The following ERBIN variants were observed in gnomAD, a reference collection of about 807,000 sequenced individuals.
ERBIN encodes the protein erbb2 interacting protein, also known as densin-180-like protein.
A neutral mutation model predicts 158.4 loss-of-function variants in ERBIN; 60 were observed. The ratio of observed to expected loss-of-function variants is 0.38; its 90% CI spans 0.31 to 0.47. ERBIN has a LOEUF of 0.47. Among genes scored for constraint, ERBIN ranks in the 20% least tolerant of loss-of-function variants. ERBIN has a pLI of 0.99. For missense variants in ERBIN, 1,610 were observed against 1,648.0 expected (o/e 0.98, Z 0.40); for synonymous variants, 594 against 557.2 (o/e 1.07, Z -0.93).
chr5:66,025,712 T>C (rs1246785241), intron 11 of ERBIN, 136 bp from the exon 12 acceptor site: 21 of 839,848 alleles, frequency 2.5e-5, no homozygotes, highest in South Asian at 1.2e-4. Context: ...AACCTACTTA[T>C]TGGTGAAGTT....
chr5:66,048,814 A>T, intron 19 of ERBIN, 33 bp downstream of exon 19: 4 of 1,243,300 alleles, frequency 3.2e-6, no homozygotes, highest in Non-Finnish European at 4.5e-6. Context: ...TAAGAATAGA[A>T]ATTGCCTCAA....
At chr5:66,054,984 T>C in intron 21 of ERBIN, 33 bp downstream of exon 21, 1 of 1,508,980 alleles carries the variant, frequency 6.6e-7, no homozygotes, top group East Asian at 2.3e-5. Context: ...TTATTTTCTT[T>C]ATGAACTTAA....
chr5:66,056,218 CAA>C (rs1759560384), intron 21 of ERBIN, among the ~76,000 whole-genome samples: 1 of 152,108 alleles, frequency 6.6e-6, no homozygotes, highest in Non-Finnish European at 1.5e-5. Context: ...GCAGTTAAGA[CAA>C]ATGAGTTCAA....
chr5:66,035,790 A>T (rs1312074658), intron 14 of ERBIN, among the ~76,000 whole-genome samples: 2 of 152,206 alleles, frequency 1.3e-5, no homozygotes, highest in African/African-American at 4.8e-5. Flanking sequence ...ATATGTGGCT[A>T]CTAAAAAATT....
At chr5:65,963,734 CAA>C (rs1388965024) in intron 1 of ERBIN, among the ~76,000 whole-genome samples, 2 of 151,566 alleles carry the variant, frequency 1.3e-5, no homozygotes, top group Non-Finnish European at 2.9e-5. Context: ...TTAATATAGA[CAA>C]ATTTTATTTT....
chr5:66,054,936 C>A lies in ERBIN; in HGVS notation c.3618C>A (p.Ala1206=). The change falls in exon 21 of 26, where the codon GCC becomes GCA. Residue 1206 remains alanine, a synonymous_variant. Coordinates refer to ENST00000284037, the MANE Select transcript of ERBIN (RefSeq NM_001253697.2). ...WREQVLRHIE[A]KKLEKKHPQT... is the part of the protein sequence containing the mutation. ...AACAAGTACTTCGACATATTGAAGC[C>A]AAAAAGTTAGAAAAGGTAATTGAAC... 6.4e-7 allele frequency: 1 copy of A among 1,571,548 alleles called. No homozygotes were observed. Among genetic ancestry groups the A allele is most frequent in the South Asian group, 1.2e-5 (1 of 85,636 alleles).
intron 1 of ERBIN, among the ~76,000 whole-genome samples, chr5:65,979,506 T>C (rs896855100): frequency 6.6e-6 from 1 of 152,168 alleles, no homozygotes; most frequent in African/African-American, 2.4e-5. Flanking sequence ...TTATAAAATA[T>C]ATGAAACATA....
chr5:65,963,384 A>G (rs1214298974), intron 1 of ERBIN, among the ~76,000 whole-genome samples: 16 of 152,092 alleles, frequency 1.1e-4, no homozygotes. Context: ...TTTGATCTTT[A>G]AAAACTTTAC....
intron 21 of ERBIN, among the ~76,000 whole-genome samples, chr5:66,059,811 T>A (rs1056985948): frequency 6.6e-6 from 1 of 152,224 alleles, no homozygotes; most frequent in Non-Finnish European, 1.5e-5. Flanking sequence ...GGTTTTTGTC[T>A]TTGGTTCTGT....
In ERBIN at chr5:65,970,538, GT is replaced by G. The variant is rs554019377; in HGVS notation, c.-57-18093del. 1.3e-4 allele frequency among the ~76,000 whole-genome samples: 20 copies of G among 152,266 alleles called. No homozygotes were observed. In the East Asian group the frequency reaches 3.9e-3, roughly 29 times the overall value. ...ATATTCTATTCTGTCCTATTTGACT[GT>G]TTTCCCTTACCACCAGACTATTTGG... is the stretch of plus-strand genomic sequence containing the variant. On this transcript the variant is annotated intron_variant, in intron 1 of 25. Transcript: ENST00000284037.
At chr5:65,992,649 T>G in intron 2 of ERBIN, 61 bp from the exon 3 acceptor site, 1 of 1,241,260 alleles carries the variant, frequency 8.1e-7, no homozygotes, top group East Asian at 2.4e-5. Flanking sequence ...TTGGAATGAT[T>G]TGTTCTGAAA....
intron 1 of ERBIN, among the ~76,000 whole-genome samples, chr5:65,973,334 A>G (rs1411063572): frequency 1.3e-5 from 2 of 151,212 alleles, no homozygotes; most frequent in East Asian, 3.9e-4. Context: ...GCACACCAAC[A>G]TGGCACATGT....
rs1369974627 is a variant in ERBIN, at chr5:66,081,494, A to AT, written c.*2969dup. On this transcript the variant is annotated 3_prime_UTR_variant, in exon 26 of 26. Transcript: ENST00000284037. ...ATCAACCAACATTTATTCATTCCAA[A>AT]TTTTTGTATATATCTAGATGAAGTA... The AT allele has an allele frequency of 6.6e-6, 1 of 152,128 alleles. No homozygotes were observed. Among genetic ancestry groups the AT allele is most frequent in the African/African-American group, 2.4e-5 (1 of 41,452 alleles). The allele number at this position is 152,128 out of a possible 1,614,324, so 9.4% of individuals were successfully genotyped here. A position where few individuals can be genotyped will look rare whatever the true frequency, so the allele number is the denominator to read the frequency against.
chr5:66,053,563 G>C lies in ERBIN; in HGVS notation c.2245G>C (p.Asp749His). 6.2e-7 allele frequency: 1 copy of C among 1,610,886 alleles called. No homozygotes were observed. Among genetic ancestry groups the C allele is most frequent in the Non-Finnish European group, 8.5e-7 (1 of 1,179,180 alleles). The change falls in exon 21 of 26, where the codon GAC (aspartate) becomes CAC (histidine). Residue 749 changes from aspartate (D) to histidine (H), a missense_variant. Asp to His is a moderately conservative substitution (Grantham distance 81, BLOSUM62 -1). Transcript: ENST00000284037. ...ATTAGTTCTAATTGAGAAAAGTGTT[G>C]ACTCAACAGCCACAGCTGATGACAC... ...ERLVLIEKSVDSTATADDTHK... is the reference protein window; with the variant it reads ...ERLVLIEKSVHSTATADDTHK...
chr5:66,040,861 A>G (rs1051641447), intron 15 of ERBIN, among the ~76,000 whole-genome samples: 20 of 44,952 alleles, frequency 4.4e-4, no homozygotes, highest in African/African-American at 8.3e-4. Context: ...AAAAAGAGGA[A>G]AAAAAGAAAG....
Position 66,050,931 on chromosome 5 carries a change from G to C in ERBIN, c.2052G>C (p.Val684=). The C allele has an allele frequency of 6.2e-7, 1 of 1,604,440 alleles. No homozygotes were observed. Among genetic ancestry groups the C allele is most frequent in the South Asian group, 1.1e-5 (1 of 88,150 alleles). Residue 684 remains valine, a synonymous_variant, in exon 20 of 26, where the codon GTG becomes GTC. Coordinates refer to ENST00000284037, the MANE Select transcript of ERBIN (RefSeq NM_001253697.2). ...AAGACACCTCACTCTGCTCTCCAGTGAAACAAACTCATATTGATATTAATT... is the reference window on the plus strand; with the variant it reads ...AAGACACCTCACTCTGCTCTCCAGTCAAACAAACTCATATTGATATTAATT... ...SSQDTSLCSP[V]KQTHIDINSK... is the part of the protein sequence containing the mutation.
intron 1 of ERBIN, among the ~76,000 whole-genome samples, chr5:65,942,372 A>G (rs1745160829): frequency 6.6e-6 from 1 of 152,190 alleles, no homozygotes; most frequent in African/African-American, 2.4e-5. Flanking sequence ...ACTATTTCCC[A>G]AAGATTTTTA....
intron 1 of ERBIN, among the ~76,000 whole-genome samples, chr5:65,975,118 CT>C (rs748139346): frequency 7.2e-4 from 110 of 152,258 alleles, no homozygotes; most frequent in Non-Finnish European, 1.3e-3. Flanking sequence ...AGCAATTCCC[CT>C]GCCTCAGCCT....
intron 9 of ERBIN, among the ~76,000 whole-genome samples, chr5:66,023,990 T>C (rs1399215042): frequency 6.6e-6 from 1 of 152,176 alleles, no homozygotes; most frequent in Non-Finnish European, 1.5e-5. Flanking sequence ...CTTTCTGTTT[T>C]AACAACTGAC....
Sources: allele counts gnomAD v4.1 joint callset (sites outside exome capture counted in the v4.1 genomes callset), GRCh38; gene constraint gnomAD v4.1.1; transcripts MANE v1.5; gene names NCBI Gene and HGNC (gene_info 2026-07-23, HGNC 2026-07-21).